The following IFT52 variants were observed in gnomAD, a reference collection of about 807,000 sequenced individuals.
IFT52 encodes intraflagellar transport protein 52 homolog.
A neutral mutation model predicts 54.4 loss-of-function variants in IFT52; 44 were observed. That is an observed-to-expected ratio of 0.81 (90% CI 0.63 to 1.04). The LOEUF (loss-of-function observed/expected upper bound fraction) is 1.04. IFT52 is among the 50% of genes least tolerant of loss of function. The pLI, the probability that IFT52 is intolerant of heterozygous loss-of-function variation, is 0.00. For synonymous variants in IFT52, 181 were observed against 185.3 expected (o/e 0.98, Z 0.19); for missense variants, 452 against 523.6 (o/e 0.86, Z 1.33).
intron 7 of IFT52, among the ~76,000 whole-genome samples, chr20:43,617,787 G>A (rs1003102323): frequency 1.3e-5 from 2 of 151,132 alleles, no homozygotes; most frequent in Admixed American, 6.6e-5. Flanking sequence ...CTGTTGCCCA[G>A]GCTGGAGTGC....
intron 13 of IFT52, among the ~76,000 whole-genome samples, chr20:43,644,945 A>G (rs1986122991): frequency 1.8e-5 from 1 of 55,486 alleles, no homozygotes; most frequent in African/African-American, 5.3e-5. Flanking sequence ...CATCTCTACT[A>G]AAAATAAAAA....
In IFT52 at chr20:43,637,510, G is replaced by A. The variant is rs148342892; in HGVS notation, c.1120+257G>A. Reference sequence around the variant, plus strand: ...ACTCCTGACCTCAGGCGATCAGCCCGCCTCGGCCTCCCAGAGTGCTGGGAT... The same window carrying A: ...ACTCCTGACCTCAGGCGATCAGCCCACCTCGGCCTCCCAGAGTGCTGGGAT... On this transcript the variant is annotated intron_variant, in intron 12 of 13. Transcript: ENST00000373030. Among the ~76,000 whole-genome samples, 945 of 152,238 alleles carry A rather than the reference G, an allele frequency of 6.2e-3. 10 individuals carry two copies. The highest frequency in any genetic ancestry group is 0.021 in the African/African-American group (887 of 41,558).
intron 3 of IFT52, among the ~76,000 whole-genome samples, chr20:43,601,187 CATATT>C (rs1296612263): frequency 6.6e-6 from 1 of 151,868 alleles, no homozygotes; most frequent in African/African-American, 2.4e-5. Context: ...AATATTTTGC[CATATT>C]AATATTAATA....
chr20:43,641,319 C>T (rs1308790074), intron 12 of IFT52, among the ~76,000 whole-genome samples: 2 of 152,092 alleles, frequency 1.3e-5, no homozygotes, highest in Non-Finnish European at 2.9e-5. Flanking sequence ...CTCACTGCAA[C>T]CTCTGCCTCC....
At chr20:43,637,920 G>A (rs761317049) in intron 12 of IFT52, among the ~76,000 whole-genome samples, 1 of 152,112 alleles carries the variant, frequency 6.6e-6, no homozygotes, top group Admixed American at 6.6e-5. Flanking sequence ...AGGAAATTGA[G>A]TAAGGCCCAA....
At chr20:43,623,678 G>T (rs1430465108) in intron 9 of IFT52, among the ~76,000 whole-genome samples, 4 of 152,204 alleles carry the variant, frequency 2.6e-5, no homozygotes, top group African/African-American at 7.2e-5. Flanking sequence ...TTGGAGATTT[G>T]GATTTAGCCA....
intron 6 of IFT52, among the ~76,000 whole-genome samples, chr20:43,610,118 C>T (rs1983306492): frequency 6.6e-6 from 1 of 150,696 alleles, no homozygotes. Flanking sequence ...TGGCCAACCC[C>T]CATCTCTACT....
intron 10 of IFT52, among the ~76,000 whole-genome samples, chr20:43,632,001 C>G (rs1398936391): frequency 1.3e-5 from 2 of 151,900 alleles, no homozygotes; most frequent in African/African-American, 2.4e-5. Flanking sequence ...TCTCCGCTCA[C>G]CACAACCTCC....
At chr20:43,613,464 A>T (rs1036724180) in intron 6 of IFT52, among the ~76,000 whole-genome samples, 2 of 152,150 alleles carry the variant, frequency 1.3e-5, no homozygotes, top group African/African-American at 4.8e-5. Flanking sequence ...CTTAGAAAAA[A>T]TTTTTTGTTT....
chr20:43,620,430 G>A (rs1984203632), intron 8 of IFT52, among the ~76,000 whole-genome samples: 1 of 152,154 alleles, frequency 6.6e-6, no homozygotes, highest in Non-Finnish European at 1.5e-5. Flanking sequence ...GGCCGAGACA[G>A]GTGGATCACC....
intron 6 of IFT52, among the ~76,000 whole-genome samples, chr20:43,612,266 T>C (rs903024263): frequency 1.3e-5 from 2 of 152,204 alleles, no homozygotes; most frequent in African/African-American, 4.8e-5. Context: ...TAATCCACCT[T>C]GCTGGGATAC....
intron 12 of IFT52, among the ~76,000 whole-genome samples, chr20:43,641,837 G>C (rs993701896): frequency 6.7e-6 from 1 of 150,284 alleles, no homozygotes; most frequent in Non-Finnish European, 1.5e-5. Context: ...TCTGTTGCCC[G>C]GGGTGGAGTG....
chr20:43,596,488 C>T lies in IFT52; in HGVS notation c.173C>T (p.Thr58Ile). The T allele has an allele frequency of 1.9e-6, 3 of 1,607,306 alleles. No homozygotes were observed. The highest frequency in any genetic ancestry group is 2.6e-6 in the Non-Finnish European group (3 of 1,174,966). ...EKLNGVKLWI[T>I]AGPREKFTAA... ...TTAAATGGAGTGAAACTGTGGATTACAGCTGGGCCAAGGGAAAAATTTACT... is the reference window on the plus strand; with the variant it reads ...TTAAATGGAGTGAAACTGTGGATTATAGCTGGGCCAAGGGAAAAATTTACT... The change falls in exon 3 of 14, where the codon ACA (threonine) becomes ATA (isoleucine). Residue 58 changes from threonine to isoleucine, a missense_variant. Coordinates refer to ENST00000373030, the MANE Select transcript of IFT52 (RefSeq NM_016004.5).
rs1600522143 is a variant in IFT52, at chr20:43,642,292, A to AAT, written c.1121-186_1121-185insTA. On this transcript the variant is annotated intron_variant, in intron 12 of 13. Coordinates refer to ENST00000373030, the MANE Select transcript of IFT52 (RefSeq NM_016004.5). ...CTGATTAGGAGTGCTTTTATTATAA[A>AAT]AGCAGCACATTAGAGAGCTCTAGGG... 1.0e-4 allele frequency: 57 copies of AAT among 554,018 alleles called. No individual in the cohort carries two copies. The East Asian group carries it at 1.7e-3, about 16-fold the overall frequency. The allele number at this position is 554,018 out of a possible 1,614,324, so 34.3% of individuals were successfully genotyped here.
At chr20:43,619,347 G>C (rs1984096083) in intron 8 of IFT52, among the ~76,000 whole-genome samples, 1 of 152,154 alleles carries the variant, frequency 6.6e-6, no homozygotes, top group Non-Finnish European at 1.5e-5. Context: ...CAAGGAGCTT[G>C]AACTTGATGC....
intron 10 of IFT52, among the ~76,000 whole-genome samples, chr20:43,628,854 C>A (rs1371943713): frequency 3.4e-5 from 5 of 148,388 alleles, no homozygotes; most frequent in African/African-American, 1.0e-4. Context: ...GACTCCATCT[C>A]AAAAAAAAAA....
intron 6 of IFT52, among the ~76,000 whole-genome samples, chr20:43,606,884 A>T (rs1299400243): frequency 6.6e-6 from 1 of 152,188 alleles, no homozygotes. Flanking sequence ...CACATGTTTC[A>T]GAGAGCACAG....
At chr20:43,591,621 G>GT (rs755856356) in intron 1 of IFT52, among the ~76,000 whole-genome samples, 1 of 152,166 alleles carries the variant, frequency 6.6e-6, no homozygotes, top group Non-Finnish European at 1.5e-5. Context: ...ACAAAATGAT[G>GT]TTAAAGTGCT....
At chr20:43,608,936 A>G (rs1275464447) in intron 6 of IFT52, among the ~76,000 whole-genome samples, 1 of 151,346 alleles carries the variant, frequency 6.6e-6, no homozygotes, top group Non-Finnish European at 1.5e-5. Context: ...TGAAATTAAA[A>G]AATAAAATAA....
Sources: gnomAD v4.1 joint callset for allele counts (sites outside exome capture counted in the v4.1 genomes callset) on GRCh38, gnomAD v4.1.1 for gene constraint, MANE v1.5 for transcripts, NCBI Gene and HGNC (gene_info 2026-07-23, HGNC 2026-07-21) for gene names.